The following CDKAL1 variants were observed in gnomAD, a reference collection of about 807,000 sequenced individuals.
CDKAL1 encodes the protein CDKAL1 threonylcarbamoyladenosine tRNA methylthiotransferase, also known as threonylcarbamoyladenosine tRNA methylthiotransferase.
In CDKAL1, 32 loss-of-function variants were observed where a neutral mutation model predicts 68.2. That is an observed-to-expected ratio of 0.47 (90% CI 0.35 to 0.63). The LOEUF is 0.63. CDKAL1 is among the 30% of genes least tolerant of loss of function. The pLI, the probability that CDKAL1 is intolerant of heterozygous loss-of-function variation, is 0.00. For synonymous variants in CDKAL1, 234 were observed against 244.3 expected, an observed-to-expected ratio of 0.96 and a Z score of 0.39; for missense variants, 606 against 696.7, an observed-to-expected ratio of 0.87 and a Z score of 1.47.
intron 5 of CDKAL1, among the ~76,000 whole-genome samples, chr6:20,719,116 C>A (rs1464634271): frequency 6.6e-6 from 1 of 152,152 alleles, no homozygotes; most frequent in East Asian, 1.9e-4. Context: ...CCTTCCTGAA[C>A]CATCCTGCCT....
At chr6:20,987,708 G>T (rs566688203) in intron 10 of CDKAL1, among the ~76,000 whole-genome samples, 5 of 152,110 alleles carry the variant, frequency 3.3e-5, no homozygotes, top group Non-Finnish European at 7.4e-5. Flanking sequence ...TAAGAAAAAG[G>T]ATGCTGTGCT....
At chr6:20,658,927 A>G (rs1167743817) in intron 5 of CDKAL1, among the ~76,000 whole-genome samples, 1 of 152,112 alleles carries the variant, frequency 6.6e-6, no homozygotes, top group Non-Finnish European at 1.5e-5. Context: ...CAATTCTACC[A>G]TCTCAGCCTC....
At chr6:20,928,272 A>G (rs1763271654) in intron 9 of CDKAL1, among the ~76,000 whole-genome samples, 1 of 152,198 alleles carries the variant, frequency 6.6e-6, no homozygotes, top group African/African-American at 2.4e-5. Flanking sequence ...TTTTGCAAGT[A>G]ATTGTTCAAT....
chr6:21,209,808 C>T (rs1400920058), intron 15 of CDKAL1, among the ~76,000 whole-genome samples: 3 of 152,184 alleles, frequency 2.0e-5, no homozygotes, highest in African/African-American at 7.2e-5. Flanking sequence ...CCTATCCCTG[C>T]AGGATGGGAC....
chr6:20,548,866 A>T (rs1047428381), intron 4 of CDKAL1, among the ~76,000 whole-genome samples, 161 bp downstream of exon 4: 1 of 152,204 alleles, frequency 6.6e-6, no homozygotes. Context: ...TGTCATATTT[A>T]AAAAAACTTT....
intron 5 of CDKAL1, among the ~76,000 whole-genome samples, chr6:20,726,199 C>T (rs980878498): frequency 6.6e-6 from 1 of 151,944 alleles, no homozygotes; most frequent in Non-Finnish European, 1.5e-5. Context: ...TCTCCACAAC[C>T]CCCCAGACAG....
intron 8 of CDKAL1, among the ~76,000 whole-genome samples, chr6:20,805,917 G>C (rs1011327861): frequency 1.3e-5 from 2 of 152,166 alleles, no homozygotes; most frequent in Non-Finnish European, 2.9e-5. Context: ...AAGAGTTGAG[G>C]ATATGGGGAG....
At chr6:21,209,825 G>T (rs1300843972) in intron 15 of CDKAL1, among the ~76,000 whole-genome samples, 1 of 152,194 alleles carries the variant, frequency 6.6e-6, no homozygotes, top group Admixed American at 6.5e-5. Flanking sequence ...GGACTAGGGA[G>T]GTTCCAGAAG....
intron 4 of CDKAL1, among the ~76,000 whole-genome samples, chr6:20,630,771 A>C (rs1433193659): frequency 6.6e-6 from 1 of 152,202 alleles, no homozygotes. Flanking sequence ...CCATCCTGGC[A>C]CTGCCTTCTG....
intron 11 of CDKAL1, among the ~76,000 whole-genome samples, chr6:21,039,136 A>G (rs1658173127): frequency 6.6e-6 from 1 of 152,138 alleles, no homozygotes; most frequent in African/African-American, 2.4e-5. Flanking sequence ...ATTACTGCCC[A>G]AGCTCCGCCT....
At chr6:20,653,688 C>T (rs1400832038) in intron 5 of CDKAL1, among the ~76,000 whole-genome samples, 2 of 149,944 alleles carry the variant, frequency 1.3e-5, no homozygotes, top group South Asian at 2.1e-4. Context: ...AATCTTGTCT[C>T]GCTACAACCT....
At position 21,065,151 on chromosome 6, in the gene CDKAL1, C is replaced by T; in HGVS notation, c.1159C>T (p.Pro387Ser). 1 of 1,608,564 alleles carries T rather than the reference C, an allele frequency of 6.2e-7. No homozygotes were observed. Among genetic ancestry groups the T allele is most frequent in the Non-Finnish European group, 8.5e-7 (1 of 1,178,120 alleles). Residue 387 changes from proline (P) to serine (S), a missense_variant, in exon 12 of 16, where the codon CCA (proline) becomes TCA (serine). By Grantham distance (74) the Pro-to-Ser change is moderately conservative. Coordinates refer to ENST00000274695, the MANE Select transcript of CDKAL1 (RefSeq NM_017774.3). Reference protein sequence around the residue: ...TVKLVEEYKFPSLFINQFYPR... With the variant: ...TVKLVEEYKFSSLFINQFYPR... ...GAAACTTGTTGAAGAGTACAAATTCCCAAGCCTGTTTATTAACCAATTTTA... is the reference window on the plus strand; with the variant it reads ...GAAACTTGTTGAAGAGTACAAATTCTCAAGCCTGTTTATTAACCAATTTTA...
chr6:20,934,995 A>C (rs962789990), intron 9 of CDKAL1, among the ~76,000 whole-genome samples: 2 of 149,462 alleles, frequency 1.3e-5, no homozygotes, highest in African/African-American at 2.5e-5. Flanking sequence ...TACTGGGTTC[A>C]AGCGATTCTC....
At chr6:20,653,819 G>A (rs754555285) in intron 5 of CDKAL1, among the ~76,000 whole-genome samples, 2 of 152,048 alleles carry the variant, frequency 1.3e-5, no homozygotes, top group Admixed American at 6.6e-5. Flanking sequence ...CACCATGTTG[G>A]CCAGGATGAT....
chr6:21,061,442 T>C (rs1323788626), intron 11 of CDKAL1, among the ~76,000 whole-genome samples: 1 of 152,164 alleles, frequency 6.6e-6, no homozygotes, highest in Non-Finnish European at 1.5e-5. Flanking sequence ...AGTATTTACA[T>C]ACATTACACA....
chr6:21,024,692 A>T (rs1021778350), intron 11 of CDKAL1, among the ~76,000 whole-genome samples: 5 of 152,200 alleles, frequency 3.3e-5, no homozygotes, highest in Non-Finnish European at 5.9e-5. Flanking sequence ...AGTCTATAAG[A>T]TAGAGGTGTC....
intron 12 of CDKAL1, among the ~76,000 whole-genome samples, chr6:21,078,382 C>A (rs150020235): frequency 4.6e-5 from 7 of 152,286 alleles, no homozygotes; most frequent in African/African-American, 1.7e-4. Flanking sequence ...TGGGCCTAAT[C>A]ATAATAATGA....
intron 9 of CDKAL1, among the ~76,000 whole-genome samples, chr6:20,915,986 C>G (rs975980868): frequency 1.3e-5 from 2 of 151,728 alleles, no homozygotes; most frequent in Non-Finnish European, 2.9e-5. Context: ...GGTGACAAAA[C>G]TATAGAGATA....
At chr6:21,195,472 GT>G (rs199522083) in intron 13 of CDKAL1, among the ~76,000 whole-genome samples, 1 of 135,734 alleles carries the variant, frequency 7.4e-6, no homozygotes. Flanking sequence ...CTCTGGAGAT[GT>G]TTTTTTTATT....
Sources: gnomAD v4.1 joint callset for allele counts (sites outside exome capture counted in the v4.1 genomes callset) on GRCh38, gnomAD v4.1.1 for gene constraint, MANE v1.5 for transcripts, NCBI Gene and HGNC (gene_info 2026-07-23, HGNC 2026-07-21) for gene names.